The following RBL1 variants were observed in gnomAD, a reference collection of about 807,000 sequenced individuals.
RBL1 encodes RB transcriptional corepressor like 1, also known as retinoblastoma-like protein 1.
In RBL1, 82 loss-of-function variants were observed where a neutral mutation model predicts 123.0. That is an observed-to-expected ratio of 0.67 (90% CI 0.56 to 0.80). The LOEUF (loss-of-function observed/expected upper bound fraction) is 0.80. RBL1 is among the 30% of genes least tolerant of loss of function. RBL1 has a pLI of 0.00. For synonymous variants in RBL1, 405 were observed against 441.3 expected, an observed-to-expected ratio of 0.92 and a Z score of 1.03; for missense variants, 1,171 against 1,299.6, an observed-to-expected ratio of 0.90 and a Z score of 1.52.
chr20:37,027,880 G>A (rs1011330666), intron 16 of RBL1, among the ~76,000 whole-genome samples: 1 of 152,066 alleles, frequency 6.6e-6, no homozygotes, highest in Non-Finnish European at 1.5e-5. Flanking sequence ...TCAGCCTCCT[G>A]AGTAGCTGGG....
intron 17 of RBL1, among the ~76,000 whole-genome samples, 199 bp downstream of exon 17, chr20:37,022,451 C>T (rs2064355796): frequency 6.6e-6 from 1 of 152,120 alleles, no homozygotes; most frequent in Non-Finnish European, 1.5e-5. Flanking sequence ...CTCAGTCTCC[C>T]AAGTAGCTGG....
intron 20 of RBL1, among the ~76,000 whole-genome samples, chr20:37,004,801 T>C (rs1204934413): frequency 7.0e-6 from 1 of 142,192 alleles, no homozygotes; most frequent in Non-Finnish European, 1.5e-5. Flanking sequence ...GCCAAGGTGC[T>C]CGGATCACTT....
rs2064990825 is a variant in RBL1 at position 37,055,585 on chromosome 20, C to T, written c.1435G>A (p.Glu479Lys). The T allele has an allele frequency of 6.2e-7, 1 of 1,613,996 alleles. No homozygotes were observed. Among genetic ancestry groups the T allele is most frequent in the African/African-American group, 1.3e-5 (1 of 74,908 alleles). The change falls in exon 11 of 22, where the codon GAA (glutamate) becomes AAA (lysine). Residue 479 changes from glutamate (E) to lysine (K), a missense_variant. Transcript: ENST00000373664. ...TCCATTCCATGAAGTCTTCGTGTTT[C>T]CTGAACCATTACAGTCTCTAGTATT... Reference protein sequence around the residue: ...YKILETVMVQETRRLHGMDMS... With the variant: ...YKILETVMVQKTRRLHGMDMS...
chr20:37,080,878 A>G (rs2065438285), intron 2 of RBL1, among the ~76,000 whole-genome samples: 1 of 152,206 alleles, frequency 6.6e-6, no homozygotes, highest in South Asian at 2.1e-4. Context: ...TGGAACATTC[A>G]TAAGGAATTT....
chr20:37,006,269 C>G (rs1361123330), intron 20 of RBL1, among the ~76,000 whole-genome samples: 1 of 149,722 alleles, frequency 6.7e-6, no homozygotes, highest in Non-Finnish European at 1.5e-5. Context: ...GGCGCGATCT[C>G]TGCTCACTGC....
intron 14 of RBL1, among the ~76,000 whole-genome samples, chr20:37,039,864 C>A (rs1453846600): frequency 6.6e-6 from 1 of 151,938 alleles, no homozygotes; most frequent in Non-Finnish European, 1.5e-5. Context: ...TGCCATCGTG[C>A]CTGACTTTAG....
In RBL1 at chr20:36,998,605, G is replaced by A. The variant is rs933320199; in HGVS notation, c.*154C>T. 3.0e-5 allele frequency: 19 copies of A among 643,988 alleles called. No homozygotes were observed. The Admixed American group carries it at 4.4e-4, about 15-fold the overall frequency. The allele number at this position is 643,988 out of a possible 1,614,324, so 39.9% of individuals were successfully genotyped here. ...ATACATCTCTGTCAACTACATTTTG[G>A]ATAAATATTTTAAAAAGCACATAAT... On this transcript the variant is annotated 3_prime_UTR_variant, in exon 22 of 22. Transcript: ENST00000373664.
chr20:37,040,004 G>C, intron 14 of RBL1, 149 bp downstream of exon 14: 1 of 889,716 alleles, frequency 1.1e-6, no homozygotes, highest in South Asian at 1.6e-5. Context: ...GCTACACAGG[G>C]GTGCTGGCAC....
chr20:37,065,425 T>C lies in RBL1; in HGVS notation c.895A>G (p.Ser299Gly). ...LLDLSSFTDNSKAVNKEYEEY... is the reference protein window; with the variant it reads ...LLDLSSFTDNGKAVNKEYEEY... ...GCACCATTAGTACTAGATATTTACC[T>C]ATTATCAGTAAAACTTGAAAGGTCC... Residue 299 changes from serine to glycine, a missense_variant and splice_region_variant, in exon 7 of 22, where the codon AGC (serine) becomes GGC (glycine). By Grantham distance (56) the Ser-to-Gly change is moderately conservative. Coordinates refer to ENST00000373664, the MANE Select transcript of RBL1 (RefSeq NM_002895.5). The C allele has an allele frequency of 6.3e-7, 1 of 1,580,094 alleles. No individual in the cohort carries two copies. Among genetic ancestry groups the C allele is most frequent in the South Asian group, 1.2e-5 (1 of 86,934 alleles).
At chr20:37,047,273 G>A in intron 11 of RBL1, 83 bp from the exon 12 acceptor site, 1 of 1,474,174 alleles carries the variant, frequency 6.8e-7, no homozygotes, top group Non-Finnish European at 9.1e-7. Flanking sequence ...ATAAAAACAA[G>A]AAAAAATAAC....
intron 2 of RBL1, among the ~76,000 whole-genome samples, chr20:37,076,493 C>G (rs146778248): frequency 7.0e-4 from 106 of 152,340 alleles, no homozygotes; most frequent in African/African-American, 2.5e-3. Flanking sequence ...GTAGCATACA[C>G]AGCATGGATA....
In RBL1 at chr20:37,066,648, T is replaced by C. The variant is rs573942636; in HGVS notation, c.846+76A>G. ...CCTAAGTTCTATAATGCTGAGAACTTGCTTAAAACATTTTTTTCTTTTCAC... is the reference window on the plus strand; with the variant it reads ...CCTAAGTTCTATAATGCTGAGAACTCGCTTAAAACATTTTTTTCTTTTCAC... On this transcript the variant is annotated intron_variant, in intron 6 of 21. Coordinates refer to ENST00000373664, the MANE Select transcript of RBL1 (RefSeq NM_002895.5). 34 of 1,391,956 alleles carry C rather than the reference T, an allele frequency of 2.4e-5. No homozygotes were observed. The African/African-American group carries it at 4.9e-4, about 20-fold the overall frequency. The allele number at this position is 1,391,956 out of a possible 1,614,324, so 86.2% of individuals were successfully genotyped here.
chr20:37,081,917 G>A, intron 2 of RBL1: 1 of 447,188 alleles, frequency 2.2e-6, no homozygotes, highest in South Asian at 1.6e-5. Flanking sequence ...AGCGAGATTG[G>A]GTGAATGGTA....
intron 21 of RBL1, among the ~76,000 whole-genome samples, chr20:37,003,094 A>G (rs2064014128): frequency 1.3e-5 from 2 of 152,212 alleles, no homozygotes; most frequent in African/African-American, 4.8e-5. Context: ...ACTGAATAGG[A>G]AAGTAATAAG....
At chr20:37,009,482 C>T (rs1188238158) in intron 19 of RBL1, among the ~76,000 whole-genome samples, 2 of 152,010 alleles carry the variant, frequency 1.3e-5, no homozygotes, top group Non-Finnish European at 1.5e-5. Flanking sequence ...CTCAGTCTCC[C>T]GAGTAGCTGG....
At chr20:37,074,698 G>A (rs1355852947) in intron 2 of RBL1, among the ~76,000 whole-genome samples, 2 of 151,832 alleles carry the variant, frequency 1.3e-5, no homozygotes, top group African/African-American at 4.8e-5. Context: ...GGTGGTTCAC[G>A]CCTGTAATCC....
At chr20:37,007,315 G>A in intron 20 of RBL1, 96 bp downstream of exon 20, 1 of 1,323,522 alleles carries the variant, frequency 7.6e-7, no homozygotes, top group Non-Finnish European at 1.1e-6. Context: ...TTAATTGCTA[G>A]TAATTTTACT....
chr20:37,042,907 C>CCCA (rs1426087593), intron 13 of RBL1, among the ~76,000 whole-genome samples: 1 of 53,332 alleles, frequency 1.9e-5, no homozygotes, highest in Admixed American at 2.1e-4. Flanking sequence ...CCCCCCCCTC[C>CCCA]AAAAAAAAAA....
At chr20:37,045,286 T>C (rs1237996240) in intron 12 of RBL1, among the ~76,000 whole-genome samples, 3 of 151,996 alleles carry the variant, frequency 2.0e-5, no homozygotes, top group Non-Finnish European at 4.4e-5. Flanking sequence ...TTTTGTATTT[T>C]TAGTAGAGAT....
Sources: gnomAD v4.1 joint callset for allele counts (sites outside exome capture counted in the v4.1 genomes callset) on GRCh38, gnomAD v4.1.1 for gene constraint, MANE v1.5 for transcripts, NCBI Gene and HGNC (gene_info 2026-07-23, HGNC 2026-07-21) for gene names.